The following DNAJC5B variants were observed in gnomAD, a reference collection of about 807,000 sequenced individuals.
DNAJC5B encodes the protein dnaJ homolog subfamily C member 5B.
In DNAJC5B, 23 loss-of-function variants were observed where a neutral mutation model predicts 24.7. The ratio of observed to expected loss-of-function variants is 0.93; its 90% CI spans 0.67 to 1.32. The LOEUF (loss-of-function observed/expected upper bound fraction) is 1.32, where lower values mean the gene tolerates loss of function less well. Among genes scored for constraint, DNAJC5B ranks in the 40% most tolerant of loss-of-function variants. The probability of loss-of-function intolerance (pLI) is 0.00; values close to 1 mark genes in which losing one functional copy is unlikely to be tolerated. For synonymous variants in DNAJC5B, 101 were observed against 90.1 expected (o/e 1.12, Z -0.68); for missense variants, 238 against 240.8 (o/e 0.99, Z 0.08).
chr8:66,082,899 C>T (rs1209475108), intron 5 of DNAJC5B, among the ~76,000 whole-genome samples: 1 of 151,968 alleles, frequency 6.6e-6, no homozygotes, highest in African/African-American at 2.4e-5. Context: ...AACTGTCTGG[C>T]ACAGCTCTGC....
chr8:66,069,017 A>T (rs1309219766), intron 3 of DNAJC5B, among the ~76,000 whole-genome samples: 3 of 151,068 alleles, frequency 2.0e-5, no homozygotes, highest in Non-Finnish European at 4.4e-5. Flanking sequence ...ATAAAGACAT[A>T]TTTTTTTTTA....
At chr8:66,090,251 ATGTGTG>A (rs147978582) in intron 5 of DNAJC5B, among the ~76,000 whole-genome samples, 35 of 145,422 alleles carry the variant, frequency 2.4e-4, no homozygotes, top group African/African-American at 7.9e-4. Flanking sequence ...GCGTGCAGGC[ATGTGTG>A]TGTGTGTGTG....
chr8:66,097,835 G>A (rs1490769229), intron 5 of DNAJC5B, among the ~76,000 whole-genome samples: 1 of 151,980 alleles, frequency 6.6e-6, no homozygotes, highest in African/African-American at 2.4e-5. Flanking sequence ...AAGTAAGATT[G>A]CTTTTAATAT....
chr8:66,034,154 T>C (rs188191708), intron 1 of DNAJC5B, among the ~76,000 whole-genome samples: 46 of 149,224 alleles, frequency 3.1e-4, no homozygotes, highest in African/African-American at 1.1e-3. Flanking sequence ...AACAAGGGAG[T>C]ATTCTCTCTA....
At chr8:66,026,006 C>T (rs2128955610) in intron 1 of DNAJC5B, among the ~76,000 whole-genome samples, 1 of 105,374 alleles carries the variant, frequency 9.5e-6, no homozygotes, top group Admixed American at 8.5e-5. Context: ...CTGTAAATTA[C>T]CTTGGGCAGT....
intron 1 of DNAJC5B, among the ~76,000 whole-genome samples, chr8:66,038,603 A>G (rs1206024372): frequency 6.6e-6 from 1 of 152,220 alleles, no homozygotes; most frequent in Non-Finnish European, 1.5e-5. Flanking sequence ...AGTTTAACTC[A>G]AGAAGTATCC....
chr8:66,068,849 A>G (rs1284370061), intron 3 of DNAJC5B, among the ~76,000 whole-genome samples: 2 of 152,150 alleles, frequency 1.3e-5, no homozygotes, highest in African/African-American at 2.4e-5. Context: ...GAAAAAATAC[A>G]TATTACTTTT....
intron 3 of DNAJC5B, 130 bp from the exon 4 acceptor site, chr8:66,076,530 A>T: frequency 1.0e-6 from 1 of 953,532 alleles, no homozygotes; most frequent in Non-Finnish European, 1.6e-6. Flanking sequence ...AATCACCGCT[A>T]GTCTGAAACT....
At chr8:66,073,263 G>T (rs1319418673) in intron 3 of DNAJC5B, among the ~76,000 whole-genome samples, 2 of 151,946 alleles carry the variant, frequency 1.3e-5, no homozygotes, top group African/African-American at 4.8e-5. Flanking sequence ...TAAATAATTA[G>T]GAACATTTTT....
rs1280513382 is a variant in DNAJC5B, at chr8:66,024,597, C to CT, written c.-142+2892_-142+2893insT. ...CCCCCTCCCCCGACCCCACCACAGT[C>CT]CCCAGAGTGTGATATTCCCCTTCCT... On this transcript the variant is annotated intron_variant, in intron 1 of 5. Transcript: ENST00000276570. Among the ~76,000 whole-genome samples, 28 of 89,662 alleles carry CT rather than the reference C, an allele frequency of 3.1e-4. 1 individual carries two copies. The highest frequency in any genetic ancestry group is 1.3e-3 in the Admixed American group (11 of 8,254). 58.8% of individuals were successfully genotyped at this position (89,662 alleles called of 152,430 possible).
chr8:66,056,165 CA>C (rs1278313392), intron 3 of DNAJC5B, among the ~76,000 whole-genome samples: 1 of 152,104 alleles, frequency 6.6e-6, no homozygotes, highest in Non-Finnish European at 1.5e-5. Context: ...CCCAACCCAA[CA>C]AAAGATAACC....
intron 3 of DNAJC5B, among the ~76,000 whole-genome samples, chr8:66,074,923 T>C (rs1249770858): frequency 6.6e-6 from 1 of 152,148 alleles, no homozygotes; most frequent in Non-Finnish European, 1.5e-5. Context: ...ATTTGCCAAC[T>C]CCATTGTTAG....
intron 1 of DNAJC5B, among the ~76,000 whole-genome samples, chr8:66,026,695 C>G (rs1382186547): frequency 6.6e-6 from 1 of 152,236 alleles, no homozygotes; most frequent in Non-Finnish European, 1.5e-5. Context: ...GGAATGTGAC[C>G]CAGAGCCAAG....
At chr8:66,086,171 A>AT (rs1311300229) in intron 5 of DNAJC5B, among the ~76,000 whole-genome samples, 1 of 152,066 alleles carries the variant, frequency 6.6e-6, no homozygotes, top group Non-Finnish European at 1.5e-5. Context: ...AACAGTTTGG[A>AT]TTTTTGTGTG....
chr8:66,034,469 A>AC (rs768691259), intron 1 of DNAJC5B, among the ~76,000 whole-genome samples: 2 of 152,056 alleles, frequency 1.3e-5, no homozygotes, highest in Non-Finnish European at 2.9e-5. Context: ...ATTTCACTGA[A>AC]CAGGGAAAGA....
chr8:66,091,303 G>T (rs1329234936), intron 5 of DNAJC5B, among the ~76,000 whole-genome samples: 4 of 152,138 alleles, frequency 2.6e-5, no homozygotes, highest in Admixed American at 2.0e-4. Context: ...AAGCACAGGG[G>T]CTGTGAAAGT....
intron 5 of DNAJC5B, among the ~76,000 whole-genome samples, chr8:66,096,063 C>G (rs1339329806): frequency 6.6e-6 from 1 of 152,160 alleles, no homozygotes; most frequent in African/African-American, 2.4e-5. Flanking sequence ...TAACAAAGTA[C>G]TACAAACTGG....
rs567616884 is a variant in DNAJC5B at position 66,066,747 on chromosome 8, G to T, written c.120-9913G>T. On this transcript the variant is annotated intron_variant, in intron 3 of 5. Transcript: ENST00000276570. ...AGGGGGAGGGTAGAAGGGGGTGAAG[G>T]ATAAAAAACTACAATGTATACTACT... 2.0e-5 allele frequency among the ~76,000 whole-genome samples: 3 copies of T among 152,086 alleles called. No homozygotes were observed. In the East Asian group the frequency reaches 5.8e-4, roughly 29 times the overall value.
intron 3 of DNAJC5B, among the ~76,000 whole-genome samples, chr8:66,055,850 G>A (rs1040991615): frequency 9.2e-5 from 14 of 152,162 alleles, no homozygotes; most frequent in Admixed American, 9.2e-4. Flanking sequence ...GCTGAGGCAC[G>A]AGAATCGCTT....
Sources: gnomAD v4.1 joint callset for allele counts (sites outside exome capture counted in the v4.1 genomes callset) on GRCh38, gnomAD v4.1.1 for gene constraint, MANE v1.5 for transcripts, NCBI Gene and HGNC (gene_info 2026-07-23, HGNC 2026-07-21) for gene names.